The following PARD3 variants were observed in gnomAD, a reference collection of about 807,000 sequenced individuals.
PARD3 encodes partitioning defective 3 homolog.
In PARD3, 75 loss-of-function variants were observed where a neutral mutation model predicts 155.4. That is an observed-to-expected ratio of 0.48 (90% CI 0.40 to 0.58). The LOEUF is 0.58. Ranked by LOEUF, PARD3 falls within the 20% of genes least tolerant of loss-of-function variation. The probability of loss-of-function intolerance (pLI) is 0.00; values close to 1 mark genes in which losing one functional copy is unlikely to be tolerated. For missense variants in PARD3, 1,642 were observed against 1,721.7 expected, an observed-to-expected ratio of 0.95 and a Z score of 0.82; for synonymous variants, 576 against 610.5, an observed-to-expected ratio of 0.94 and a Z score of 0.83.
chr10:34,659,040 T>G (rs1289891106), intron 2 of PARD3, among the ~76,000 whole-genome samples: 1 of 152,224 alleles, frequency 6.6e-6, no homozygotes, highest in Non-Finnish European at 1.5e-5. Flanking sequence ...TTCCATGTTC[T>G]TAGTGAAGAG....
chr10:34,273,588 C>A (rs1344277591), intron 21 of PARD3, among the ~76,000 whole-genome samples: 1 of 152,140 alleles, frequency 6.6e-6, no homozygotes, highest in Admixed American at 6.6e-5. Flanking sequence ...ACACCCTATA[C>A]CAATGCGAAT....
chr10:34,245,526 C>T (rs1011840954), intron 22 of PARD3, among the ~76,000 whole-genome samples: 2 of 151,920 alleles, frequency 1.3e-5, no homozygotes, highest in Non-Finnish European at 2.9e-5. Flanking sequence ...CAGGTGTGGA[C>T]ACGTAAATGC....
chr10:34,659,938 T>C lies in PARD3; in HGVS notation c.222+36380A>G, dbSNP rs575726697. ...AGAAATAATCCATTCAAAGGTTATTTACATTAGCCACAAACTAGAATTAGC... is the reference window on the plus strand; with the variant it reads ...AGAAATAATCCATTCAAAGGTTATTCACATTAGCCACAAACTAGAATTAGC... On this transcript the variant is annotated intron_variant, in intron 2 of 24. Coordinates refer to ENST00000374788, the MANE Select transcript of PARD3 (RefSeq NM_001184785.2). 2.0e-5 allele frequency among the ~76,000 whole-genome samples: 3 copies of C among 152,370 alleles called. No individual in the cohort carries two copies. The South Asian group carries it at 6.2e-4, about 32-fold the overall frequency.
chr10:34,173,550 G>A (rs1949900079), intron 22 of PARD3, among the ~76,000 whole-genome samples: 1 of 152,188 alleles, frequency 6.6e-6, no homozygotes, highest in South Asian at 2.1e-4. Flanking sequence ...TTGTTAAGAT[G>A]AAGAATGCTA....
intron 2 of PARD3, among the ~76,000 whole-genome samples, chr10:34,575,962 G>A (rs1341168254): frequency 6.6e-6 from 1 of 152,102 alleles, no homozygotes; most frequent in Admixed American, 6.5e-5. Context: ...TTCTAACTGA[G>A]ATGCACCAGG....
chr10:34,423,507 A>T (rs1309967207), intron 5 of PARD3, among the ~76,000 whole-genome samples: 1 of 152,334 alleles, frequency 6.6e-6, no homozygotes, highest in East Asian at 1.9e-4. Flanking sequence ...GAGGTATTAC[A>T]TGTCTTAATT....
intron 2 of PARD3, among the ~76,000 whole-genome samples, chr10:34,532,411 G>C (rs959608480): frequency 6.6e-6 from 1 of 152,096 alleles, no homozygotes; most frequent in Admixed American, 6.6e-5. Flanking sequence ...TATTATTTCT[G>C]AGTAGACAAC....
intron 2 of PARD3, among the ~76,000 whole-genome samples, chr10:34,618,427 T>C (rs535078651): frequency 6.6e-6 from 1 of 152,298 alleles, no homozygotes; most frequent in South Asian, 2.1e-4. Context: ...AAGTGACATC[T>C]TGTACTGTGA....
At chr10:34,211,679 G>A (rs538656357) in intron 22 of PARD3, among the ~76,000 whole-genome samples, 4 of 152,104 alleles carry the variant, frequency 2.6e-5, no homozygotes, top group East Asian at 1.9e-4. Flanking sequence ...ACTGGGGAGC[G>A]TGAGGCAGGA....
chr10:34,814,849 T>G, intron 1 of PARD3, 27 bp downstream of exon 1: 40 of 627,784 alleles, frequency 6.4e-5, no homozygotes, highest in Non-Finnish European at 8.0e-5. Context: ...CGCCGCCCCC[T>G]CCCCGCCCGC....
intron 5 of PARD3, among the ~76,000 whole-genome samples, chr10:34,433,087 A>AAGG (rs1369158794): frequency 2.0e-5 from 3 of 152,214 alleles, no homozygotes; most frequent in Non-Finnish European, 4.4e-5. Flanking sequence ...TACTTTCAAT[A>AAGG]AAAAATTTCT....
chr10:34,653,354 C>T (rs1308997360), intron 2 of PARD3, among the ~76,000 whole-genome samples: 5 of 152,166 alleles, frequency 3.3e-5, no homozygotes, highest in Non-Finnish European at 7.3e-5. Flanking sequence ...ATCCCACTGG[C>T]TTCTTCCCTC....
At chr10:34,440,017 G>A (rs1190133239) in intron 5 of PARD3, among the ~76,000 whole-genome samples, 1 of 152,124 alleles carries the variant, frequency 6.6e-6, no homozygotes, top group African/African-American at 2.4e-5. Flanking sequence ...GCGGTGGGAA[G>A]AAAACATACA....
chr10:34,758,682 C>T (rs1345781188), intron 1 of PARD3, among the ~76,000 whole-genome samples: 2 of 152,158 alleles, frequency 1.3e-5, no homozygotes, highest in Non-Finnish European at 2.9e-5. Flanking sequence ...CCTGGAAGCA[C>T]TGAGTTTGGA....
chr10:34,797,068 A>C (rs531074461), intron 1 of PARD3, among the ~76,000 whole-genome samples: 1 of 152,328 alleles, frequency 6.6e-6, no homozygotes, highest in African/African-American at 2.4e-5. Flanking sequence ...AGGCAGCACA[A>C]CCAGGAGCTT....
chr10:34,564,371 C>T (rs994977392), intron 2 of PARD3, among the ~76,000 whole-genome samples: 2 of 152,190 alleles, frequency 1.3e-5, no homozygotes, highest in Non-Finnish European at 2.9e-5. Context: ...CTAACAGAAC[C>T]CTGATTTTAT....
intron 1 of PARD3, among the ~76,000 whole-genome samples, chr10:34,716,084 T>A (rs2094515644): frequency 6.6e-6 from 1 of 152,204 alleles, no homozygotes. Context: ...AGACACCTTA[T>A]AAAATACACA....
chr10:34,166,801 C>A (rs1186064727), intron 22 of PARD3, among the ~76,000 whole-genome samples: 1 of 152,098 alleles, frequency 6.6e-6, no homozygotes, highest in Non-Finnish European at 1.5e-5. Flanking sequence ...TTTTTAAGAA[C>A]ACCAACTAAA....
chr10:34,454,682 G>C (rs912690777), intron 4 of PARD3, among the ~76,000 whole-genome samples: 1 of 152,064 alleles, frequency 6.6e-6, no homozygotes, highest in African/African-American at 2.4e-5. Flanking sequence ...CTCCACTTAT[G>C]AGGCTGCCCC....
Sources: allele counts gnomAD v4.1 joint callset (sites outside exome capture counted in the v4.1 genomes callset), GRCh38; gene constraint gnomAD v4.1.1; transcripts MANE v1.5; gene names NCBI Gene and HGNC (gene_info 2026-07-23, HGNC 2026-07-21).